The following KASH5 variants were observed in gnomAD, a reference collection of about 807,000 sequenced individuals.
KASH5 encodes the protein protein KASH5.
In KASH5, 72 loss-of-function variants were observed where a neutral mutation model predicts 84.2. The ratio of observed to expected loss-of-function variants is 0.85; its 90% CI spans 0.71 to 1.04. The LOEUF (loss-of-function observed/expected upper bound fraction) is 1.04, where lower values mean the gene tolerates loss of function less well. KASH5 is among the 50% of genes least tolerant of loss of function. KASH5 has a pLI of 0.00. For missense variants in KASH5, 650 were observed against 701.0 expected (o/e 0.93, Z 0.82); for synonymous variants, 260 against 279.1 (o/e 0.93, Z 0.68).
rs1433944631 is a variant in KASH5, at chr19:49,414,501, AT to A, written c.1329-446del. 6.6e-6 allele frequency among the ~76,000 whole-genome samples: 1 copy of A among 151,986 alleles called. No individual in the cohort carries two copies. Among genetic ancestry groups the A allele is most frequent in the African/African-American group, 2.4e-5 (1 of 41,368 alleles). On this transcript the variant is annotated intron_variant, in intron 16 of 19. Coordinates refer to ENST00000447857, the MANE Select transcript of KASH5 (RefSeq NM_144688.5). This position sits in a 1 kb window ranked among gnomAD's most constrained non-coding sequence, Gnocchi z 4.5. ...TCTTACAGAGGCCTGAATCTCTGGT[AT>A]TTTGGAGGGTGAGAGAGCCAGAAGC...
chr19:49,396,768 A>T (rs1321383989), intron 5 of KASH5, among the ~76,000 whole-genome samples: 1 of 144,344 alleles, frequency 6.9e-6, no homozygotes, highest in African/African-American at 2.5e-5. Flanking sequence ...GGTGCTCCAT[A>T]AAAAAAGTGG....
chr19:49,415,051 G>C lies in KASH5; in HGVS notation c.1374+55G>C, dbSNP rs537300566. 16 of 1,538,180 alleles carry C rather than the reference G, an allele frequency of 1.0e-5. No homozygotes were observed. The South Asian group carries it at 1.9e-4, about 18-fold the overall frequency. ...CCCCATCCACTCCACACCCACAGAG[G>C]CTGAGTCGTTTCAACTCTTCCCAAG... On this transcript the variant is annotated intron_variant, in intron 17 of 19. Coordinates refer to ENST00000447857, the MANE Select transcript of KASH5 (RefSeq NM_144688.5).
At chr19:49,415,836 G>A (rs1026859989) in intron 17 of KASH5, among the ~76,000 whole-genome samples, 3 of 152,204 alleles carry the variant, frequency 2.0e-5, no homozygotes, top group South Asian at 2.1e-4. Context: ...AGGTGGTAGA[G>A]GTGAAGATAT....
chr19:49,391,835 G>C (rs893143742), intron 2 of KASH5: 1 of 152,224 alleles, frequency 6.6e-6, no homozygotes, highest in South Asian at 2.1e-4. Flanking sequence ...GAGGCACTGG[G>C]GTTGCCTCTC....
chr19:49,411,981 A>C lies in KASH5; in HGVS notation c.1270-987A>C, dbSNP rs544663135. Among the ~76,000 whole-genome samples the C allele has an allele frequency of 3.4e-3, 519 of 150,442 alleles. 4 individuals carry two copies. Among genetic ancestry groups the C allele is most frequent in the African/African-American group, 0.011 (450 of 40,756 alleles). On this transcript the variant is annotated intron_variant, in intron 15 of 19. Transcript: ENST00000447857. ...GAAGGAAGGAAGGAAGGAAAGAAGG[A>C]AGCCAGCCTTTGAGGCACTAGCACA...
chr19:49,396,553 C>T (rs2122122260), intron 5 of KASH5, among the ~76,000 whole-genome samples: 2 of 152,236 alleles, frequency 1.3e-5, no homozygotes, highest in South Asian at 2.1e-4. Flanking sequence ...TGCGCCAAGC[C>T]GTCATCCACT....
chr19:49,390,797 G>T lies in KASH5; in HGVS notation c.-87G>T. 2 of 1,437,034 alleles carry T rather than the reference G, an allele frequency of 1.4e-6. No individual in the cohort carries two copies. Among genetic ancestry groups the T allele is most frequent in the East Asian group, 2.5e-5 (1 of 39,752 alleles). The allele number at this position is 1,437,034 out of a possible 1,614,324, so 89.0% of individuals were successfully genotyped here. A position where few individuals can be genotyped will look rare whatever the true frequency, so the allele number is the denominator to read the frequency against. ...CCTGCTTCTCCTTCCAGGAGTGCTC[G>T]GGCCAGCTGGTCCTTTTCCCATCCC... On this transcript the variant is annotated 5_prime_UTR_variant, in exon 2 of 20. Transcript: ENST00000447857.
At position 49,416,233 on chromosome 19, in the gene KASH5, G is replaced by A. The variant is rs1052325393; in HGVS notation, c.1375-782G>A. ...TTTTGAGATGGAGTCTTGCTCTGTCGCCAGGCTGGAGTGCAGTGGTGCGAT... is the reference window on the plus strand; with the variant it reads ...TTTTGAGATGGAGTCTTGCTCTGTCACCAGGCTGGAGTGCAGTGGTGCGAT... On this transcript the variant is annotated intron_variant, in intron 17 of 19. Coordinates refer to ENST00000447857, the MANE Select transcript of KASH5 (RefSeq NM_144688.5). The surrounding 1 kb of genome is among the most constrained non-coding windows in gnomAD (Gnocchi z 5.4). Among the ~76,000 whole-genome samples, 3 of 152,064 alleles carry A rather than the reference G, an allele frequency of 2.0e-5. No homozygotes were observed. Among genetic ancestry groups the A allele is most frequent in the African/African-American group, 4.8e-5 (2 of 41,394 alleles).
rs1038010259 is a variant in KASH5 at position 49,412,216 on chromosome 19, T to C, written c.1270-752T>C. Among the ~76,000 whole-genome samples, 1 of 152,000 alleles carries C rather than the reference T, an allele frequency of 6.6e-6. No individual in the cohort carries two copies. Among genetic ancestry groups the C allele is most frequent in the Admixed American group, 6.6e-5 (1 of 15,258 alleles). On this transcript the variant is annotated intron_variant, in intron 15 of 19. Transcript: ENST00000447857. The surrounding 1 kb of genome is among the most constrained non-coding windows in gnomAD (Gnocchi z 4.6). ...CTCTGGAACCATGTGAGGGACCTAC[T>C]GGAGGCAGGGAGGAGGCTGGAGCAA...
In KASH5 at chr19:49,407,325, C is replaced by T. The variant is rs201989078; in HGVS notation, c.933+29C>T. On this transcript the variant is annotated intron_variant, in intron 11 of 19. Transcript: ENST00000447857. ...AGGGGCCCCGGGAGGGAAAGAGATT[C>T]GCTTTCCATGTGCACCAGCCACTTC... The T allele has an allele frequency of 2.9e-4, 474 of 1,610,212 alleles. 1 individual carries two copies. Among genetic ancestry groups the T allele is most frequent in the Non-Finnish European group, 3.6e-4 (423 of 1,177,268 alleles).
Position 49,414,298 on chromosome 19 carries a change from C to T in KASH5, c.1329-653C>T, listed in dbSNP as rs1391514964. ...AACCCCTCAGGGCTCTTCCAGTCCT[C>T]CTGGAAGAGGGTCTTGCACCTAAGA... is the stretch of plus-strand genomic sequence containing the variant. On this transcript the variant is annotated intron_variant, in intron 16 of 19. Coordinates refer to ENST00000447857, the MANE Select transcript of KASH5 (RefSeq NM_144688.5). The surrounding 1 kb of genome is among the most constrained non-coding windows in gnomAD (Gnocchi z 4.5). 6.6e-6 allele frequency among the ~76,000 whole-genome samples: 1 copy of T among 152,048 alleles called. No individual in the cohort carries two copies. The highest frequency in any genetic ancestry group is 6.5e-5 in the Admixed American group (1 of 15,268).
At position 49,399,165 on chromosome 19, in the gene KASH5, A is replaced by G. The variant is rs998367621; in HGVS notation, c.747+23A>G. The stretch of plus-strand genomic sequence containing the variant: ...GCGGTGGGTCTGGCCCAGGGGAAGG[A>G]AGGTGCCCTCTCTCTTCTTTGTTTC... On this transcript the variant is annotated intron_variant, in intron 8 of 19. Transcript: ENST00000447857. This position sits in a 1 kb window ranked among gnomAD's most constrained non-coding sequence, Gnocchi z 4.4. 23 of 1,527,058 alleles carry G rather than the reference A, an allele frequency of 1.5e-5. No homozygotes were observed. Among genetic ancestry groups the G allele is most frequent in the Middle Eastern group, 1.8e-4 (1 of 5,628 alleles). 94.6% of individuals were successfully genotyped at this position (1,527,058 alleles called of 1,614,324 possible). A position where few individuals can be genotyped will look rare whatever the true frequency, so the allele number is the denominator to read the frequency against.
rs558025845 is a variant in KASH5, at chr19:49,414,566, G to T, written c.1329-385G>T. Among the ~76,000 whole-genome samples the T allele has an allele frequency of 6.6e-5, 10 of 152,232 alleles. No homozygotes were observed. In the East Asian group the frequency reaches 1.7e-3, roughly 26 times the overall value. On this transcript the variant is annotated intron_variant, in intron 16 of 19. Transcript: ENST00000447857. The surrounding 1 kb of genome is among the most constrained non-coding windows in gnomAD (Gnocchi z 4.5). ...TGGGGGATCTGCTGGGGAAGTAGTG[G>T]CTGAGAAAACCAATCTGAGATGAAG...
In KASH5 at chr19:49,399,368, C is replaced by A. The variant is rs1974288088; in HGVS notation, c.748-89C>A. On this transcript the variant is annotated intron_variant, in intron 8 of 19. Coordinates refer to ENST00000447857, the MANE Select transcript of KASH5 (RefSeq NM_144688.5). This position sits in a 1 kb window ranked among gnomAD's most constrained non-coding sequence, Gnocchi z 4.4. The stretch of plus-strand genomic sequence containing the variant: ...CTTCCCAGACCCATTCCCCCAGGCC[C>A]TGGTTGTGTTTTCAGGGGTGGGAGA... 1.5e-6 allele frequency: 2 copies of A among 1,315,298 alleles called. No individual in the cohort carries two copies. The highest frequency in any genetic ancestry group is 2.9e-5 in the African/African-American group (2 of 68,796). The allele number at this position is 1,315,298 out of a possible 1,614,324, so 81.5% of individuals were successfully genotyped here.
chr19:49,400,370 T>TTG (rs1974327305), intron 9 of KASH5, among the ~76,000 whole-genome samples: 2 of 145,104 alleles, frequency 1.4e-5, no homozygotes, highest in Non-Finnish European at 3.1e-5. Context: ...TTTTTTTTCT[T>TTG]TTTTTTTTTT....
intron 15 of KASH5, among the ~76,000 whole-genome samples, chr19:49,411,584 T>C (rs1217729537): frequency 6.6e-6 from 1 of 152,188 alleles, no homozygotes; most frequent in Non-Finnish European, 1.5e-5. Context: ...ATTGGGCTTC[T>C]GCTTTGAGCT....
chr19:49,397,751 G>C (rs1483357002), intron 6 of KASH5, 34 bp downstream of exon 6: 1 of 1,606,754 alleles, frequency 6.2e-7, no homozygotes, highest in South Asian at 1.1e-5. Flanking sequence ...TGACCCTCCT[G>C]CCCACACCCT....
At position 49,415,095 on chromosome 19, in the gene KASH5, A is replaced by G. The variant is rs1209207206; in HGVS notation, c.1374+99A>G. The stretch of plus-strand genomic sequence containing the variant: ...TCCCAAGCCCCAGCCTCACACTCCA[A>G]CTCCTCAGGAGCAGAGAGAAAAATC... On this transcript the variant is annotated intron_variant, in intron 17 of 19. Coordinates refer to ENST00000447857, the MANE Select transcript of KASH5 (RefSeq NM_144688.5). 13 of 1,125,044 alleles carry G rather than the reference A, an allele frequency of 1.2e-5. No individual in the cohort carries two copies. The South Asian group carries it at 1.6e-4, about 14-fold the overall frequency. 69.7% of individuals were successfully genotyped at this position (1,125,044 alleles called of 1,614,324 possible).
chr19:49,406,222 G>A (rs1434109450), intron 9 of KASH5, among the ~76,000 whole-genome samples: 1 of 151,860 alleles, frequency 6.6e-6, no homozygotes, highest in East Asian at 1.9e-4. Context: ...GATAGATAAT[G>A]TGGATAACAG....
Sources: allele counts gnomAD v4.1 joint callset (sites outside exome capture counted in the v4.1 genomes callset), GRCh38; gene constraint gnomAD v4.1.1; non-coding constraint Gnocchi (gnomAD v3.1); transcripts MANE v1.5; gene names NCBI Gene and HGNC (gene_info 2026-07-23, HGNC 2026-07-21).